Variants in PKNOX2 observed in about 807,000 individuals in gnomAD.
PKNOX2 encodes homeobox protein PKNOX2.
A neutral mutation model predicts 53.1 loss-of-function variants in PKNOX2; 14 were observed. That is an observed-to-expected ratio of 0.26 (90% CI 0.17 to 0.41). The LOEUF (loss-of-function observed/expected upper bound fraction) is 0.41. PKNOX2 is among the 10% of genes least tolerant of loss of function. PKNOX2 has a pLI of 1.00. For synonymous variants in PKNOX2, 257 were observed against 242.8 expected (o/e 1.06, Z -0.54); for missense variants, 496 against 602.8 (o/e 0.82, Z 1.85).
At chr11:125,258,988 A>G in intron 2 of PKNOX2, 1 of 235,936 alleles carries the variant, frequency 4.2e-6, no homozygotes, top group South Asian at 3.9e-5. Context: ...GGAGTGAAGT[A>G]TTTCTGCATA....
Position 125,262,648 on chromosome 11 carries a change from TTGTC to T in PKNOX2, c.-130+27537_-130+27540del, listed in dbSNP as rs909037172. The stretch of plus-strand genomic sequence containing the variant: ...CTGTCCTTTCTCTACCCCACAGGCT[TTGTC>T]TGTGCAATCCTCTCTCTACCCCACA... On this transcript the variant is annotated intron_variant, in intron 2 of 12. Transcript: ENST00000298282. Among the ~76,000 whole-genome samples the T allele has an allele frequency of 2.1e-4, 32 of 151,252 alleles. 1 individual carries two copies. Among genetic ancestry groups the T allele is most frequent in the African/African-American group, 7.5e-4 (31 of 41,398 alleles).
chr11:125,423,261 G>A (rs866608595), intron 10 of PKNOX2, among the ~76,000 whole-genome samples: 3 of 152,192 alleles, frequency 2.0e-5, no homozygotes, highest in African/African-American at 4.8e-5. Flanking sequence ...TCTAGAGTCC[G>A]TGTTCTCACG....
rs112592986 is a variant in PKNOX2, at chr11:125,281,045, G to T, written c.-130+45930G>T. Among the ~76,000 whole-genome samples, 18 of 152,312 alleles carry T rather than the reference G, an allele frequency of 1.2e-4. 1 individual carries two copies. Among genetic ancestry groups the T allele is most frequent in the African/African-American group, 4.3e-4 (18 of 41,582 alleles). On this transcript the variant is annotated intron_variant, in intron 2 of 12. Coordinates refer to ENST00000298282, the MANE Select transcript of PKNOX2 (RefSeq NM_001382323.2). ...GAACAGCTTCTCTGGAACCAAAGGT[G>T]GATCACACTCCAAAGACAATCCAGA...
intron 2 of PKNOX2, among the ~76,000 whole-genome samples, chr11:125,259,710 C>T (rs923519681): frequency 6.6e-6 from 1 of 152,178 alleles, no homozygotes; most frequent in Admixed American, 6.5e-5. Context: ...GCCTGGCCCA[C>T]ACTGGGCCAT....
At chr11:125,278,963 G>A (rs545734109) in intron 2 of PKNOX2, among the ~76,000 whole-genome samples, 55 of 152,276 alleles carry the variant, frequency 3.6e-4, no homozygotes, top group Non-Finnish European at 7.5e-4. Context: ...GCGGATGTCC[G>A]TTTTCCCAGC....
At chr11:125,255,652 A>G (rs1210777425) in intron 2 of PKNOX2, among the ~76,000 whole-genome samples, 1 of 151,998 alleles carries the variant, frequency 6.6e-6, no homozygotes, top group Non-Finnish European at 1.5e-5. Flanking sequence ...TCAGAATGAG[A>G]CAAGAGCTGT....
intron 2 of PKNOX2, among the ~76,000 whole-genome samples, chr11:125,299,960 A>C (rs1947926391): frequency 6.6e-6 from 1 of 152,190 alleles, no homozygotes; most frequent in South Asian, 2.1e-4. Flanking sequence ...TGCTTGATAG[A>C]AGGTGAGCCT....
rs1434630475 is a variant in PKNOX2, at chr11:125,309,424, G to C, written c.-129-22395G>C. On this transcript the variant is annotated intron_variant, in intron 2 of 12. Transcript: ENST00000298282. ...TTTTTTTTAGAGAAGTCTCACTCTT[G>C]TCCCCCAGGCTTAAGTGCAATGGTT... 5.1e-5 allele frequency among the ~76,000 whole-genome samples: 6 copies of C among 118,130 alleles called. No homozygotes were observed. In the Admixed American group the frequency reaches 5.9e-4, roughly 12 times the overall value. The allele number at this position is 118,130 out of a possible 152,430, so 77.5% of individuals were successfully genotyped here.
chr11:125,211,848 G>C (rs112734733), intron 1 of PKNOX2, among the ~76,000 whole-genome samples: 2,408 of 152,154 alleles, frequency 0.016, 68 homozygotes, highest in African/African-American at 0.055. Context: ...CAGTATTGAG[G>C]GTCAGATTGC....
chr11:125,312,644 G>A (rs1948888209), intron 2 of PKNOX2, among the ~76,000 whole-genome samples: 1 of 152,140 alleles, frequency 6.6e-6, no homozygotes, highest in Non-Finnish European at 1.5e-5. Context: ...CGAGTGTCAC[G>A]CACGGCAGGC....
chr11:125,209,786 G>A (rs1018400398), intron 1 of PKNOX2, among the ~76,000 whole-genome samples: 5 of 151,986 alleles, frequency 3.3e-5, no homozygotes, highest in Non-Finnish European at 5.9e-5. Flanking sequence ...CCAAGGCCCT[G>A]AAAATAGAAA....
intron 11 of PKNOX2, among the ~76,000 whole-genome samples, chr11:125,429,433 T>C (rs1421583077): frequency 6.6e-6 from 1 of 152,108 alleles, no homozygotes; most frequent in East Asian, 1.9e-4. Flanking sequence ...AGGCCAGTGG[T>C]CATCTGGTCT....
At chr11:125,181,362 T>G (rs1956148291) in intron 1 of PKNOX2, among the ~76,000 whole-genome samples, 1 of 152,220 alleles carries the variant, frequency 6.6e-6, no homozygotes, top group South Asian at 2.1e-4. Flanking sequence ...GAGGTTACAC[T>G]GCAGGCTGGA....
chr11:125,390,550 G>T (rs575836989), intron 6 of PKNOX2, among the ~76,000 whole-genome samples: 1 of 152,246 alleles, frequency 6.6e-6, no homozygotes, highest in Non-Finnish European at 1.5e-5. Context: ...GTGTCTCACC[G>T]TAGGTGGAAG....
At chr11:125,209,695 C>T (rs73617537) in intron 1 of PKNOX2, among the ~76,000 whole-genome samples, 3,199 of 151,934 alleles carry the variant, frequency 0.021, 124 homozygotes, top group African/African-American at 0.072. Context: ...AGGAGGATGA[C>T]GACAAGGGAG....
chr11:125,421,675 C>T (rs1447242968), intron 10 of PKNOX2, among the ~76,000 whole-genome samples: 2 of 152,228 alleles, frequency 1.3e-5, no homozygotes, highest in African/African-American at 2.4e-5. Flanking sequence ...CCTTCCTACC[C>T]GTCAGAGCAA....
Position 125,382,323 on chromosome 11 carries a change from G to A in PKNOX2, c.228-3228G>A, listed in dbSNP as rs576837776. 2.8e-4 allele frequency among the ~76,000 whole-genome samples: 43 copies of A among 152,248 alleles called. 1 individual carries two copies. The South Asian group carries it at 8.3e-3, about 29-fold the overall frequency. On this transcript the variant is annotated intron_variant, in intron 5 of 12. Transcript: ENST00000298282. Reference sequence around the variant, plus strand: ...TTGGTGCACACACATGCATATGCACGCGCACACACACACAAGCACACACAC... The same window carrying A: ...TTGGTGCACACACATGCATATGCACACGCACACACACACAAGCACACACAC...
At chr11:125,248,905 C>A (rs112607991) in intron 2 of PKNOX2, among the ~76,000 whole-genome samples, 3 of 105,320 alleles carry the variant, frequency 2.8e-5, no homozygotes, top group East Asian at 5.3e-4. Flanking sequence ...ATATATATAA[C>A]GTATATATAT....
chr11:125,185,987 C>T (rs1053795181), intron 1 of PKNOX2, among the ~76,000 whole-genome samples: 1 of 152,122 alleles, frequency 6.6e-6, no homozygotes, highest in African/African-American at 2.4e-5. Flanking sequence ...TTTTACATTC[C>T]CACCAGCAAT....
Sources: allele counts gnomAD v4.1 joint callset (sites outside exome capture counted in the v4.1 genomes callset), GRCh38; gene constraint gnomAD v4.1.1; transcripts MANE v1.5; gene names NCBI Gene and HGNC (gene_info 2026-07-23, HGNC 2026-07-21).